Variants in AGBL4 observed in about 807,000 individuals in gnomAD.
AGBL4 encodes cytosolic carboxypeptidase 6.
In AGBL4, 58 loss-of-function variants were observed where a neutral mutation model predicts 66.4. The observed-to-expected ratio is 0.87, with a 90% CI of 0.71 to 1.09. The LOEUF (loss-of-function observed/expected upper bound fraction) is 1.09, where lower values mean the gene tolerates loss of function less well. Ranked by LOEUF, AGBL4 falls within the 50% of genes least tolerant of loss-of-function variation. AGBL4 has a pLI of 0.00. For synonymous variants in AGBL4, 234 were observed against 222.9 expected (o/e 1.05, Z -0.44); for missense variants, 579 against 631.0 (o/e 0.92, Z 0.88).
rs1473327300 is a variant in AGBL4, at chr1:49,881,456, C to T, written c.35-29938G>A. On this transcript the variant is annotated intron_variant, in intron 1 of 13. Coordinates refer to ENST00000371839, the MANE Select transcript of AGBL4 (RefSeq NM_032785.4). ...TTCTAGTTCTCGATCCCTGAGGAAT[C>T]GCCACACTGACTTCCACAATGGTTG... Among the ~76,000 whole-genome samples the T allele has an allele frequency of 2.6e-5, 4 of 151,826 alleles. No individual in the cohort carries two copies. In the South Asian group the frequency reaches 8.3e-4, roughly 32 times the overall value.
Position 49,575,582 on chromosome 1 carries a change from CT to C in AGBL4, c.282+121730del, listed in dbSNP as rs549842626. 4.5e-4 allele frequency among the ~76,000 whole-genome samples: 69 copies of C among 152,294 alleles called. 1 individual carries two copies. In the South Asian group the frequency reaches 0.013, roughly 29 times the overall value. On this transcript the variant is annotated intron_variant, in intron 3 of 13. Transcript: ENST00000371839. ...TCCCCATTCAACTCTCCCATTTGGC[CT>C]GTGCAGAAGACAGATGGATATTGGA... is the stretch of plus-strand genomic sequence containing the variant.
At chr1:49,241,611 A>G (rs931584570) in intron 4 of AGBL4, among the ~76,000 whole-genome samples, 19 of 152,074 alleles carry the variant, frequency 1.2e-4, no homozygotes, top group African/African-American at 4.6e-4. Context: ...ACTATGAAAC[A>G]TATCTCTCTT....
chr1:48,758,158 T>C (rs1187673655), intron 6 of AGBL4, among the ~76,000 whole-genome samples: 1 of 152,242 alleles, frequency 6.6e-6, no homozygotes, highest in Non-Finnish European at 1.5e-5. Flanking sequence ...AAAGGAGTTT[T>C]ATACGTCTTT....
intron 11 of AGBL4, among the ~76,000 whole-genome samples, chr1:48,565,326 C>T (rs750942254): frequency 2.6e-5 from 4 of 152,116 alleles, no homozygotes; most frequent in Non-Finnish European, 4.4e-5. Flanking sequence ...TGACCTCTCT[C>T]CCTACCGCCA....
chr1:49,672,373 A>G (rs997933616), intron 3 of AGBL4, among the ~76,000 whole-genome samples: 1 of 152,080 alleles, frequency 6.6e-6, no homozygotes, highest in Non-Finnish European at 1.5e-5. Flanking sequence ...AGAGGAGCAG[A>G]AATAATAACT....
At chr1:49,088,823 A>G (rs1372177296) in intron 4 of AGBL4, among the ~76,000 whole-genome samples, 2 of 152,128 alleles carry the variant, frequency 1.3e-5, no homozygotes, top group African/African-American at 2.4e-5. Context: ...CTCATGGCAC[A>G]TATTCTAAAA....
intron 2 of AGBL4, among the ~76,000 whole-genome samples, chr1:49,758,096 G>A (rs1197526511): frequency 6.6e-6 from 1 of 152,122 alleles, no homozygotes; most frequent in Non-Finnish European, 1.5e-5. Context: ...GGCTAAAAGG[G>A]GCCAAGGTAC....
intron 1 of AGBL4, among the ~76,000 whole-genome samples, chr1:49,874,856 G>C (rs538427324): frequency 6.6e-6 from 1 of 151,628 alleles, no homozygotes; most frequent in African/African-American, 2.4e-5. Flanking sequence ...TTAAGTTTTA[G>C]GGTACATGTG....
chr1:48,560,463 C>G (rs1644380787), intron 11 of AGBL4, among the ~76,000 whole-genome samples: 1 of 152,130 alleles, frequency 6.6e-6, no homozygotes, highest in South Asian at 2.1e-4. Flanking sequence ...CAGTGAGCTC[C>G]CTCAGGTTGG....
intron 6 of AGBL4, among the ~76,000 whole-genome samples, chr1:48,738,212 T>C (rs1274818923): frequency 2.0e-5 from 3 of 152,158 alleles, no homozygotes; most frequent in Non-Finnish European, 2.9e-5. Flanking sequence ...AAAATAGCAA[T>C]GCAGCCCACC....
chr1:49,286,293 A>G (rs1444295440), intron 3 of AGBL4, among the ~76,000 whole-genome samples: 2 of 151,922 alleles, frequency 1.3e-5, no homozygotes, highest in Admixed American at 6.5e-5. Context: ...TCCCTTTGAA[A>G]ACTGGCACAA....
intron 3 of AGBL4, among the ~76,000 whole-genome samples, chr1:49,255,557 G>T (rs1652416524): frequency 6.6e-6 from 1 of 152,188 alleles, no homozygotes; most frequent in South Asian, 2.1e-4. Flanking sequence ...AGTATACACT[G>T]TTGGTGGGAG....
At chr1:48,858,515 A>T (rs1647241424) in intron 6 of AGBL4, among the ~76,000 whole-genome samples, 1 of 152,232 alleles carries the variant, frequency 6.6e-6, no homozygotes, top group Non-Finnish European at 1.5e-5. Flanking sequence ...AAGTATGCTG[A>T]TACATGCTAC....
intron 5 of AGBL4, among the ~76,000 whole-genome samples, chr1:49,010,903 G>T (rs1382012312): frequency 6.6e-6 from 1 of 151,934 alleles, no homozygotes; most frequent in East Asian, 1.9e-4. Context: ...AGACTTAAAC[G>T]TTAGACCTAA....
At chr1:49,847,789 C>T (rs1288631316) in intron 2 of AGBL4, among the ~76,000 whole-genome samples, 2 of 151,814 alleles carry the variant, frequency 1.3e-5, no homozygotes, top group African/African-American at 4.8e-5. Context: ...GCAGGCTCCA[C>T]CCGCCAGGTT....
At chr1:49,802,150 G>A (rs1360173093) in intron 2 of AGBL4, among the ~76,000 whole-genome samples, 5 of 152,182 alleles carry the variant, frequency 3.3e-5, no homozygotes, top group Admixed American at 2.0e-4. Flanking sequence ...ATGAATGGAC[G>A]TGCAGTCAGG....
chr1:48,735,621 C>T (rs1192650073), intron 6 of AGBL4, among the ~76,000 whole-genome samples: 1 of 152,020 alleles, frequency 6.6e-6, no homozygotes, highest in Non-Finnish European at 1.5e-5. Context: ...ACAAATGACT[C>T]CCTGTCTCTT....
At chr1:49,004,346 G>A (rs2148994693) in intron 5 of AGBL4, among the ~76,000 whole-genome samples, 1 of 152,302 alleles carries the variant, frequency 6.6e-6, no homozygotes, top group South Asian at 2.1e-4. Flanking sequence ...GATTACGTAT[G>A]GCATTACAGG....
intron 5 of AGBL4, among the ~76,000 whole-genome samples, chr1:48,908,285 A>C (rs1652803295): frequency 6.6e-6 from 1 of 152,166 alleles, no homozygotes; most frequent in Non-Finnish European, 1.5e-5. Context: ...ATTCATGGCA[A>C]ACTCTTTAAA....
Sources: gnomAD v4.1 joint callset for allele counts (sites outside exome capture counted in the v4.1 genomes callset) on GRCh38, gnomAD v4.1.1 for gene constraint, MANE v1.5 for transcripts, NCBI Gene and HGNC (gene_info 2026-07-23, HGNC 2026-07-21) for gene names.